Variants in VPS13B observed in about 807,000 individuals in gnomAD.
VPS13B encodes intermembrane lipid transfer protein VPS13B.
A neutral mutation model predicts 426.4 loss-of-function variants in VPS13B; 285 were observed. That is an observed-to-expected ratio of 0.67 (90% CI 0.61 to 0.74). The LOEUF (loss-of-function observed/expected upper bound fraction) is 0.74. VPS13B is among the 30% of genes least tolerant of loss of function. The probability of loss-of-function intolerance (pLI) is 0.00; values close to 1 mark genes in which losing one functional copy is unlikely to be tolerated. For synonymous variants in VPS13B, 1,676 were observed against 1,676.4 expected, an observed-to-expected ratio of 1.00 and a Z score of 0.01; for missense variants, 4,537 against 4,782.6, an observed-to-expected ratio of 0.95 and a Z score of 1.51.
At chr8:99,292,542 T>C (rs1372159762) in intron 19 of VPS13B, among the ~76,000 whole-genome samples, 1 of 152,144 alleles carries the variant, frequency 6.6e-6, no homozygotes, top group Admixed American at 6.6e-5. Flanking sequence ...TTATAGTCGC[T>C]GAAGTAAGCC....
intron 19 of VPS13B, among the ~76,000 whole-genome samples, chr8:99,360,212 T>C (rs55967952): frequency 0.066 from 1,384 of 20,850 alleles, 88 homozygotes; most frequent in African/African-American, 0.13. Flanking sequence ...CTCTCTCTCT[T>C]TCTTTCTTTC....
At chr8:99,539,994 A>T (rs1169082575) in intron 30 of VPS13B, among the ~76,000 whole-genome samples, 1 of 126,276 alleles carries the variant, frequency 7.9e-6, no homozygotes, top group Non-Finnish European at 1.6e-5. Flanking sequence ...TAAATGAGTT[A>T]TATAAATATA....
chr8:99,865,172 G>A (rs2130952461), intron 58 of VPS13B, among the ~76,000 whole-genome samples: 1 of 152,268 alleles, frequency 6.6e-6, no homozygotes, highest in South Asian at 2.1e-4. Context: ...ACTCCGTTTA[G>A]CCTGCAGTAT....
At chr8:99,777,001 C>T (rs368484895) in intron 41 of VPS13B, 45 bp downstream of exon 41, 31 of 1,572,646 alleles carry the variant, frequency 2.0e-5, no homozygotes, top group Non-Finnish European at 2.5e-5. Flanking sequence ...TTAATACTTA[C>T]CATTTTCTCT....
intron 33 of VPS13B, among the ~76,000 whole-genome samples, chr8:99,618,629 A>G (rs1244464694): frequency 6.6e-6 from 1 of 152,222 alleles, no homozygotes; most frequent in Non-Finnish European, 1.5e-5. Context: ...CAACCTCAGA[A>G]AACTGCCGAT....
intron 43 of VPS13B, among the ~76,000 whole-genome samples, chr8:99,789,418 A>C (rs1373086211): frequency 6.6e-6 from 1 of 152,138 alleles, no homozygotes; most frequent in Non-Finnish European, 1.5e-5. Flanking sequence ...CATGCATGTT[A>C]AAGTTTGTTT....
chr8:99,222,226 G>A (rs1815763630), intron 17 of VPS13B, among the ~76,000 whole-genome samples: 1 of 152,140 alleles, frequency 6.6e-6, no homozygotes, highest in Non-Finnish European at 1.5e-5. Context: ...ACACATTTTA[G>A]TCTGTCTAAT....
intron 33 of VPS13B, among the ~76,000 whole-genome samples, chr8:99,600,270 A>G (rs1563818009): frequency 6.6e-6 from 1 of 152,100 alleles, no homozygotes; most frequent in Non-Finnish European, 1.5e-5. Flanking sequence ...TATGGAAACA[A>G]AGTCTCAAGG....
At chr8:99,383,526 G>A (rs150795793) in intron 19 of VPS13B, among the ~76,000 whole-genome samples, 69 of 152,132 alleles carry the variant, frequency 4.5e-4, no homozygotes, top group Non-Finnish European at 5.6e-4. Context: ...GTGATTCAAT[G>A]TTTTATAGTA....
chr8:99,356,520 T>C (rs1374573236), intron 19 of VPS13B, among the ~76,000 whole-genome samples: 1 of 152,056 alleles, frequency 6.6e-6, no homozygotes, highest in African/African-American at 2.4e-5. Flanking sequence ...TGGTGACACA[T>C]GCCTGTGGTC....
At chr8:99,532,416 AT>A (rs1822980469) in intron 30 of VPS13B, among the ~76,000 whole-genome samples, 5 of 152,172 alleles carry the variant, frequency 3.3e-5, no homozygotes, top group African/African-American at 9.6e-5. Flanking sequence ...GACATCTTTT[AT>A]AAGTGAGACT....
chr8:99,454,793 G>A (rs891730041), intron 23 of VPS13B, among the ~76,000 whole-genome samples: 1 of 152,114 alleles, frequency 6.6e-6, no homozygotes, highest in Non-Finnish European at 1.5e-5. Context: ...ATACTCACTA[G>A]CATTTGGTGT....
chr8:99,799,821 G>C (rs1315521629), intron 43 of VPS13B, among the ~76,000 whole-genome samples: 1 of 152,102 alleles, frequency 6.6e-6, no homozygotes, highest in Non-Finnish European at 1.5e-5. Flanking sequence ...CTTTAGGTAG[G>C]TTTCTCTATT....
At chr8:99,030,008 C>G (rs1842430283) in intron 2 of VPS13B, among the ~76,000 whole-genome samples, 1 of 152,016 alleles carries the variant, frequency 6.6e-6, no homozygotes. Context: ...ATTTGGGAAA[C>G]TTTGAGCTTC....
intron 17 of VPS13B, among the ~76,000 whole-genome samples, chr8:99,263,514 G>A (rs1818155326): frequency 6.6e-6 from 1 of 152,112 alleles, no homozygotes; most frequent in Non-Finnish European, 1.5e-5. Context: ...CAGGCTCTAA[G>A]ATAAAACCCC....
At chr8:99,786,402 C>T (rs1291879009) in intron 43 of VPS13B, among the ~76,000 whole-genome samples, 1 of 152,100 alleles carries the variant, frequency 6.6e-6, no homozygotes, top group Non-Finnish European at 1.5e-5. Context: ...ATTCTCAATA[C>T]AGTGTCACTT....
intron 49 of VPS13B, 132 bp downstream of exon 49, chr8:99,820,254 A>T: frequency 1.2e-6 from 1 of 830,854 alleles, no homozygotes; most frequent in South Asian, 1.6e-5. Flanking sequence ...TGTAAGAGGT[A>T]TGGAATGTTC....
chr8:99,204,583 T>A, intron 17 of VPS13B, among the ~76,000 whole-genome samples: 1 of 152,118 alleles, frequency 6.6e-6, no homozygotes, highest in East Asian at 1.9e-4. Context: ...ATCTACAGAA[T>A]GGGAGAAAAT....
At chr8:99,582,750 T>G (rs183817986) in intron 33 of VPS13B, among the ~76,000 whole-genome samples, 86 of 152,120 alleles carry the variant, frequency 5.7e-4, no homozygotes, top group African/African-American at 1.7e-3. Context: ...CCGCCTCCTG[T>G]GTTCACGCCA....
Sources: allele counts gnomAD v4.1 joint callset (sites outside exome capture counted in the v4.1 genomes callset), GRCh38; gene constraint gnomAD v4.1.1; transcripts MANE v1.5; gene names NCBI Gene and HGNC (gene_info 2026-07-23, HGNC 2026-07-21).